HTR2C: variants seen among roughly 807,000 people sequenced by gnomAD.
HTR2C encodes 5-hydroxytryptamine receptor 2C.
A neutral mutation model predicts 21.0 loss-of-function variants in HTR2C; 5 were observed. That is an observed-to-expected ratio of 0.24 (90% CI 0.12 to 0.50). HTR2C has a LOEUF of 0.50. Ranked by LOEUF, HTR2C falls within the 20% of genes least tolerant of loss-of-function variation. HTR2C has a pLI of 0.98. For missense variants in HTR2C, 271 were observed against 371.2 expected (o/e 0.73, Z 2.22); for synonymous variants, 150 against 145.3 (o/e 1.03, Z -0.23).
intron 2 of HTR2C, among the ~76,000 whole-genome samples, chrX:114,617,895 ACTAT>A (rs1206392866): frequency 1.8e-5 from 2 of 111,926 alleles, no homozygotes; most frequent in Non-Finnish European, 3.8e-5. Flanking sequence ...TTTAATAATA[ACTAT>A]CAATATTATG....
chrX:114,752,847 G>A (rs930722024), intron 4 of HTR2C, among the ~76,000 whole-genome samples: 1 of 109,859 alleles, frequency 9.1e-6, no homozygotes, highest in Non-Finnish European at 1.9e-5. Flanking sequence ...ATATTTCTAA[G>A]TTCCATAGTA....
intron 2 of HTR2C, among the ~76,000 whole-genome samples, chrX:114,640,195 G>A (rs1328660000): frequency 2.7e-5 from 3 of 111,392 alleles, no homozygotes; most frequent in African/African-American, 9.8e-5. Flanking sequence ...AATACTGGAA[G>A]TAGTATTTTC....
rs189889421 is a variant in HTR2C at position 114,612,092 on chromosome X, A to G, written c.-146-1723A>G. Among the ~76,000 whole-genome samples, 403 of 110,942 alleles carry G rather than the reference A, an allele frequency of 3.6e-3. 3 individuals are homozygous for G. The highest frequency in any genetic ancestry group is 0.011 in the African/African-American group (349 of 30,616). On this transcript the variant is annotated intron_variant, in intron 1 of 5. Coordinates refer to ENST00000276198, the MANE Select transcript of HTR2C (RefSeq NM_000868.4). ...AAAATATAATTTGTTGGTGTAGTAC[A>G]TTGTATCTTGCATGATGTAAGGGGT...
rs2071399658 is a variant in HTR2C at position 114,909,573 on chromosome X, T to G, written c.*2158T>G. Reference sequence around the variant, plus strand: ...GTTTTACAAAGAAACAAAATATAAATCACAGATTTCCAAAAGTACTAGCAA... The same window carrying G: ...GTTTTACAAAGAAACAAAATATAAAGCACAGATTTCCAAAAGTACTAGCAA... On this transcript the variant is annotated 3_prime_UTR_variant, in exon 6 of 6. Coordinates refer to ENST00000276198, the MANE Select transcript of HTR2C (RefSeq NM_000868.4). 1 of 112,144 alleles carries G rather than the reference T, an allele frequency of 8.9e-6. No individual in the cohort carries two copies. Among genetic ancestry groups the G allele is most frequent in the African/African-American group, 3.3e-5 (1 of 30,766 alleles). 9.2% of individuals were successfully genotyped at this position (112,144 alleles called of 1,213,427 possible).
At chrX:114,658,916 G>A (rs184477226) in intron 2 of HTR2C, among the ~76,000 whole-genome samples, 2 of 111,348 alleles carry the variant, frequency 1.8e-5, no homozygotes, top group East Asian at 5.7e-4. Flanking sequence ...TTATCTATTT[G>A]GTTACTGTAT....
intron 1 of HTR2C, among the ~76,000 whole-genome samples, chrX:114,593,133 A>T (rs927213804): frequency 8.9e-6 from 1 of 112,382 alleles, no homozygotes; most frequent in Non-Finnish European, 1.9e-5. Flanking sequence ...TAAAAAGACT[A>T]CTGGCCATAT....
chrX:114,674,511 C>G (rs1387457953), intron 2 of HTR2C, among the ~76,000 whole-genome samples: 1 of 111,412 alleles, frequency 9.0e-6, no homozygotes, highest in Non-Finnish European at 1.9e-5. Flanking sequence ...TGCTTCTCTA[C>G]TTCAGATGTT....
chrX:114,908,832 C>A lies in HTR2C; in HGVS notation c.*1417C>A, dbSNP rs1232968460. On this transcript the variant is annotated 3_prime_UTR_variant, in exon 6 of 6. Coordinates refer to ENST00000276198, the MANE Select transcript of HTR2C (RefSeq NM_000868.4). The stretch of plus-strand genomic sequence containing the variant: ...TTTTCAAGCATTGCTAAAGTCAGGC[C>A]ATTCAGTCTATGCTGTGTGCAGAGT... 1 of 112,721 alleles carries A rather than the reference C, an allele frequency of 8.9e-6. No individual in the cohort carries two copies. Among genetic ancestry groups the A allele is most frequent in the African/African-American group, 3.2e-5 (1 of 30,949 alleles). 9.3% of individuals were successfully genotyped at this position (112,721 alleles called of 1,213,427 possible). A position where few individuals can be genotyped will look rare whatever the true frequency, so the allele number is the denominator to read the frequency against.
At chrX:114,703,531 T>G (rs1242193340) in intron 2 of HTR2C, among the ~76,000 whole-genome samples, 2 of 111,400 alleles carry the variant, frequency 1.8e-5, no homozygotes, top group Non-Finnish European at 3.8e-5. Context: ...AGACACAACA[T>G]ACCAGAATCT....
intron 2 of HTR2C, among the ~76,000 whole-genome samples, chrX:114,702,802 T>C (rs782147814): frequency 1.9e-5 from 2 of 106,260 alleles, no homozygotes; most frequent in South Asian, 4.5e-4. Flanking sequence ...CAGTGTGCTG[T>C]ATTCAGGAAA....
chrX:114,742,349 A>G (rs1371228897), intron 4 of HTR2C, among the ~76,000 whole-genome samples: 1 of 111,524 alleles, frequency 9.0e-6, no homozygotes, highest in Admixed American at 9.6e-5. Context: ...ATGTATTTAA[A>G]CATCCATCCA....
Position 114,907,520 on chromosome X carries a change from A to G in HTR2C, c.*105A>G. Reference sequence around the variant, plus strand: ...TAACTAATGTAAATATTGCTGTCTGAAAAAGTGTTTTTACATATAGCTTTG... The same window carrying G: ...TAACTAATGTAAATATTGCTGTCTGGAAAAGTGTTTTTACATATAGCTTTG... On this transcript the variant is annotated 3_prime_UTR_variant, in exon 6 of 6. Transcript: ENST00000276198. 1.7e-6 allele frequency: 1 copy of G among 602,740 alleles called. No homozygotes were observed. The highest frequency in any genetic ancestry group is 2.6e-6 in the Non-Finnish European group (1 of 378,732). 49.7% of individuals were successfully genotyped at this position (602,740 alleles called of 1,213,427 possible).
chrX:114,797,949 A>T (rs1170152049), intron 4 of HTR2C, among the ~76,000 whole-genome samples: 1 of 112,011 alleles, frequency 8.9e-6, no homozygotes, highest in Non-Finnish European at 1.9e-5. Context: ...ATGTGGTAAA[A>T]TAGAGGTCTT....
intron 4 of HTR2C, among the ~76,000 whole-genome samples, chrX:114,810,134 G>A (rs1412303003): frequency 9.0e-6 from 1 of 111,635 alleles, no homozygotes; most frequent in Non-Finnish European, 1.9e-5. Context: ...TACTGTGGTG[G>A]AGCTGGTATC....
chrX:114,745,017 C>CTTCA (rs1376197239), intron 4 of HTR2C, among the ~76,000 whole-genome samples: 1 of 111,796 alleles, frequency 8.9e-6, no homozygotes, highest in African/African-American at 3.3e-5. Context: ...CGTTAAAAGC[C>CTTCA]TTCAGTGAAG....
rs181162355 is a variant in HTR2C at position 114,684,797 on chromosome X, A to G, written c.-79-42061A>G. ...TAGTACATTAAAAATAGGTCTTTAC[A>G]GGAAAAGGACTAAAACAAGATACTT... On this transcript the variant is annotated intron_variant, in intron 2 of 5. Transcript: ENST00000276198. Among the ~76,000 whole-genome samples the G allele has an allele frequency of 2.9e-3, 328 of 111,801 alleles. 2 individuals carry two copies. The highest frequency in any genetic ancestry group is 0.01 in the African/African-American group (316 of 30,904).
At chrX:114,688,185 G>A (rs913178471) in intron 2 of HTR2C, among the ~76,000 whole-genome samples, 7 of 109,054 alleles carry the variant, frequency 6.4e-5, no homozygotes, top group South Asian at 4.1e-4. Flanking sequence ...GCCGAGTGTG[G>A]TGGCACCTGC....
intron 4 of HTR2C, among the ~76,000 whole-genome samples, chrX:114,803,694 C>G (rs1382640544): frequency 9.6e-6 from 1 of 103,805 alleles, no homozygotes; most frequent in Non-Finnish European, 2.0e-5. Context: ...CCTGTTCACT[C>G]TGATGGTAGT....
intron 2 of HTR2C, among the ~76,000 whole-genome samples, chrX:114,642,489 T>A (rs1211346726): frequency 8.9e-6 from 1 of 112,421 alleles, no homozygotes; most frequent in Non-Finnish European, 1.9e-5. Flanking sequence ...TAATTAATAC[T>A]ATGTGATACC....
Sources: allele counts gnomAD v4.1 joint callset (sites outside exome capture counted in the v4.1 genomes callset), GRCh38; gene constraint gnomAD v4.1.1; transcripts MANE v1.5; gene names NCBI Gene and HGNC (gene_info 2026-07-23, HGNC 2026-07-21).